Variants in SKP2 observed in about 807,000 individuals in gnomAD.
SKP2 encodes the protein S-phase kinase associated protein 2, also known as S-phase kinase-associated protein 2.
In SKP2, 16 loss-of-function variants were observed where a neutral mutation model predicts 51.8. The ratio of observed to expected loss-of-function variants is 0.31; its 90% CI spans 0.21 to 0.47. The LOEUF (loss-of-function observed/expected upper bound fraction) is 0.47, where lower values mean the gene tolerates loss of function less well. Ranked by LOEUF, SKP2 falls within the 20% of genes least tolerant of loss-of-function variation. SKP2 has a pLI of 1.00. For synonymous variants in SKP2, 176 were observed against 198.6 expected, an observed-to-expected ratio of 0.89 and a Z score of 0.96; for missense variants, 377 against 505.3, an observed-to-expected ratio of 0.75 and a Z score of 2.43.
At chr5:36,186,118 T>C (rs1341935823), downstream of SKP2, among the ~76,000 whole-genome samples, 3 of 152,240 alleles carry the variant, frequency 2.0e-5, no homozygotes, top group East Asian at 5.8e-4. Flanking sequence ...CCTGAGACTT[T>C]GCTGAAGTTG....
At chr5:36,172,659 G>A (rs142671844) in intron 7 of SKP2, among the ~76,000 whole-genome samples, 126 of 152,266 alleles carry the variant, frequency 8.3e-4, no homozygotes, top group African/African-American at 2.9e-3. Flanking sequence ...CTGCAGAATA[G>A]ATCTTAAAAT....
chr5:36,152,591 G>A (rs1426592333), intron 1 of SKP2, among the ~76,000 whole-genome samples, 180 bp from the exon 2 acceptor site: 1 of 152,166 alleles, frequency 6.6e-6, no homozygotes, highest in Non-Finnish European at 1.5e-5. Flanking sequence ...AAGCCTTCTC[G>A]ATTTGTTCTT....
intron 4 of SKP2, 138 bp downstream of exon 4, chr5:36,166,800 T>C (rs1211158978): frequency 1.5e-6 from 1 of 687,018 alleles, no homozygotes; most frequent in Non-Finnish European, 2.4e-6. Flanking sequence ...GTTAATTCCA[T>C]ACTTTGCTAT....
intron 6 of SKP2, among the ~76,000 whole-genome samples, chr5:36,190,852 TACC>T (rs923583155): frequency 2.0e-5 from 3 of 152,152 alleles, no homozygotes; most frequent in Non-Finnish European, 2.9e-5. Flanking sequence ...TTTTGGTATA[TACC>T]TCTAAAAGTT....
chr5:36,163,616 G>A (rs771302017), intron 2 of SKP2, 29 bp from the exon 3 acceptor site: 1 of 1,372,876 alleles, frequency 7.3e-7, no homozygotes, highest in South Asian at 1.2e-5. Flanking sequence ...AAAGAATGGT[G>A]ATGGCAAACA....
chr5:36,175,005 C>G (rs1178959314), intron 7 of SKP2, among the ~76,000 whole-genome samples: 1 of 152,048 alleles, frequency 6.6e-6, no homozygotes, highest in Non-Finnish European at 1.5e-5. Context: ...GTATTTCGAG[C>G]AGAGCAATAT....
intron 6 of SKP2, among the ~76,000 whole-genome samples, chr5:36,190,683 CAAAAAAA>C (rs70973094): frequency 4.6e-4 from 37 of 81,180 alleles, no homozygotes; most frequent in East Asian, 4.0e-3. Flanking sequence ...CAAACATATG[CAAAAAAA>C]AAAAAAAAAA....
rs374967552 is a variant in SKP2, at chr5:36,152,957, C to T, written c.195C>T (p.Pro65=). 1.8e-4 allele frequency: 287 copies of T among 1,613,982 alleles called. No homozygotes were observed. Among genetic ancestry groups the T allele is most frequent in the Non-Finnish European group, 2.4e-4 (281 of 1,180,012 alleles). The change falls in exon 2 of 10, where the codon CCC becomes CCT. Residue 65 remains proline, a synonymous_variant. Transcript: ENST00000274255. ...CAAACCTGGGCCACCCGGAGAGCCC[C>T]CCACGGAAACGGCTGAAGAGCAAAG... The part of the protein sequence containing the change: ...LLSNLGHPES[P]PRKRLKSKGS...
At chr5:36,185,532 T>C (rs963586050), downstream of SKP2, among the ~76,000 whole-genome samples, 1 of 152,212 alleles carries the variant, frequency 6.6e-6, no homozygotes, top group African/African-American at 2.4e-5. Flanking sequence ...TTTCTTATTT[T>C]TGTCAGGTTT....
intron 7 of SKP2, among the ~76,000 whole-genome samples, chr5:36,174,081 G>A (rs1436317105): frequency 6.6e-6 from 1 of 152,134 alleles, no homozygotes; most frequent in African/African-American, 2.4e-5. Context: ...AGTGTTGGCT[G>A]TTAATACTGT....
intron 9 of SKP2, 54 bp from the exon 10 acceptor site, chr5:36,181,764 T>G: frequency 6.3e-7 from 1 of 1,597,280 alleles, no homozygotes; most frequent in South Asian, 1.1e-5. Context: ...ATAACTCTAG[T>G]CAAACAGTTT....
chr5:36,170,874 C>T (rs1402287893), intron 6 of SKP2, among the ~76,000 whole-genome samples: 1 of 152,122 alleles, frequency 6.6e-6, no homozygotes, highest in African/African-American at 2.4e-5. Context: ...ATAATGTCAG[C>T]ACATAAAGGG....
At chr5:36,187,813 C>G (rs2112024420), downstream of SKP2, among the ~76,000 whole-genome samples, 1 of 150,730 alleles carries the variant, frequency 6.6e-6, no homozygotes, top group South Asian at 2.1e-4. Context: ...TCTTGTTGAT[C>G]TGTCTAATGT....
At chr5:36,163,107 G>A (rs776761540) in intron 2 of SKP2, among the ~76,000 whole-genome samples, 1 of 152,164 alleles carries the variant, frequency 6.6e-6, no homozygotes. Context: ...TTTGGGTGGG[G>A]ACACAGCCAA....
rs548175427 is a variant in SKP2, at chr5:36,166,668, G to C, written c.536+6G>C. 3.0e-5 allele frequency: 48 copies of C among 1,609,342 alleles called. 2 individuals are homozygous for C. In the South Asian group the frequency reaches 5.2e-4, roughly 17 times the overall value. ...CCATTGGCTGAACATTTCAGGTAAA[G>C]ATGAAAAATCCCTGGAAAAGACTAT... On this transcript the variant is annotated splice_donor_region_variant and intron_variant, in intron 4 of 9. Coordinates refer to ENST00000274255, the MANE Select transcript of SKP2 (RefSeq NM_005983.4).
In SKP2 at chr5:36,184,290, C is replaced by A. The variant is rs890622017; in HGVS notation, c.*2259C>A. 6.7e-5 allele frequency: 13 copies of A among 193,312 alleles called. No homozygotes were observed. The highest frequency in any genetic ancestry group is 5.4e-4 in the Admixed American group (9 of 16,568). 12.0% of individuals were successfully genotyped at this position (193,312 alleles called of 1,614,324 possible). Reference sequence around the variant, plus strand: ...TTTTTTTTAAATTATACTTTAAGTTCTAGGGTACATGTGCACAACGTGCAG... The same window carrying A: ...TTTTTTTTAAATTATACTTTAAGTTATAGGGTACATGTGCACAACGTGCAG... On this transcript the variant is annotated 3_prime_UTR_variant, in exon 10 of 10. Coordinates refer to ENST00000274255, the MANE Select transcript of SKP2 (RefSeq NM_005983.4).
At chr5:36,159,158 A>G (rs1400106936) in intron 2 of SKP2, among the ~76,000 whole-genome samples, 1 of 152,186 alleles carries the variant, frequency 6.6e-6, no homozygotes, top group Admixed American at 6.5e-5. Context: ...GTGCCATTTA[A>G]GCTGAAATCT....
At chr5:36,163,374 A>G (rs938257419) in intron 2 of SKP2, among the ~76,000 whole-genome samples, 1 of 152,066 alleles carries the variant, frequency 6.6e-6, no homozygotes. Flanking sequence ...TCTCTTTTTG[A>G]TTTGCTGAGA....
chr5:36,169,826 G>A (rs1056053971), intron 5 of SKP2, among the ~76,000 whole-genome samples: 3 of 152,168 alleles, frequency 2.0e-5, no homozygotes, highest in African/African-American at 7.2e-5. Flanking sequence ...ATTGTTAGTA[G>A]GTGGCTGAAC....
Sources: gnomAD v4.1 joint callset for allele counts (sites outside exome capture counted in the v4.1 genomes callset) on GRCh38, gnomAD v4.1.1 for gene constraint, MANE v1.5 for transcripts, NCBI Gene and HGNC (gene_info 2026-07-23, HGNC 2026-07-21) for gene names.